The following MIAT variants were observed in gnomAD, a reference collection of about 807,000 sequenced individuals.
The protein encoded by MIAT is MI related novel mRNA.
chr22:26,668,288 C>T (rs145583917), exon 6 of MIAT: 11 of 398,634 alleles, frequency 2.8e-5, no homozygotes, highest in Middle Eastern at 6.3e-4. Flanking sequence ...CTGGGTGACT[C>T]CCTGAAGATC....
intron 5 of MIAT, chr22:26,668,023 T>A (rs1430000007): frequency 5.0e-6 from 2 of 396,988 alleles, no homozygotes; most frequent in Non-Finnish European, 8.9e-6. Context: ...CCACCCTGTG[T>A]GTGTGCTGGG....
chr22:26,657,630 A>C, intron 2 of MIAT: 1 of 398,772 alleles, frequency 2.5e-6, no homozygotes. Context: ...CCTCTGCACT[A>C]GCGCCGCAGG....
Position 26,655,858 on chromosome 22 carries a change from A to AT in MIAT, n.647-7452dup, listed in dbSNP as rs758108202. On this transcript the variant is annotated intron_variant and non_coding_transcript_variant, in intron 2 of 5. Coordinates refer to ENST00000643270, the Ensembl canonical transcript of MIAT. ...CGCCAGGCCTGGCTAATTTTTTTGT[A>AT]TTTTTTGTGGAAATAAGGTTTCGCT... 3.4e-4 allele frequency among the ~76,000 whole-genome samples: 52 copies of AT among 151,950 alleles called. 2 individuals are homozygous for AT. The highest frequency in any genetic ancestry group is 3.3e-3 in the South Asian group (16 of 4,804).
intron 5 of MIAT, chr22:26,667,678 T>G (rs1030620150): frequency 5.5e-6 from 1 of 180,376 alleles, no homozygotes; most frequent in Non-Finnish European, 1.1e-5. Context: ...TTTAGACAAC[T>G]TTTTTTTCCT....
chr22:26,658,395 G>T (rs1204670645), intron 2 of MIAT: 1 of 152,152 alleles, frequency 6.6e-6, no homozygotes, highest in Admixed American at 6.5e-5. Flanking sequence ...GAGGGTTATC[G>T]ACACCTCCAA....
intron 2 of MIAT, among the ~76,000 whole-genome samples, chr22:26,652,289 GGT>G (rs1214223917): frequency 1.3e-5 from 2 of 152,150 alleles, no homozygotes. Context: ...TGGAATTACA[GGT>G]GTGAGGCATT....
At chr22:26,651,975 A>T (rs772048060) in intron 2 of MIAT, among the ~76,000 whole-genome samples, 3 of 152,114 alleles carry the variant, frequency 2.0e-5, no homozygotes, top group African/African-American at 7.2e-5. Flanking sequence ...AGAGGATGCG[A>T]CTTCCCTTTC....
downstream of MIAT, chr22:26,672,980 C>A (rs1374692870): frequency 7.5e-6 from 3 of 398,472 alleles, no homozygotes; most frequent in South Asian, 3.8e-4. Flanking sequence ...AGGCCGGTTT[C>A]CCCCACCGTA....
At chr22:26,673,613 G>A, downstream of MIAT, 1 of 398,856 alleles carries the variant, frequency 2.5e-6, no homozygotes, top group Non-Finnish European at 4.4e-6. Flanking sequence ...TAACAGCTTG[G>A]ATGTCGGCAT....
At chr22:26,650,542 T>C (rs1175400617) in intron 2 of MIAT, 2 of 152,272 alleles carry the variant, frequency 1.3e-5, no homozygotes. Flanking sequence ...GATCTGTATC[T>C]GGGGTGATCC....
At chr22:26,665,293 C>T (rs115962976) in intron 3 of MIAT, among the ~76,000 whole-genome samples, 4,957 of 104,814 alleles carry the variant, frequency 0.047, 261 homozygotes, top group African/African-American at 0.15. Flanking sequence ...GAAAGAAAAA[C>T]AATTAACTTT....
chr22:26,667,426 A>G (rs1218926169), intron 5 of MIAT: 2 of 361,182 alleles, frequency 5.5e-6, no homozygotes, highest in Non-Finnish European at 4.8e-6. Flanking sequence ...ATGTGTGTGT[A>G]TGCGCGCGTG....
exon 5 of MIAT, chr22:26,675,070 A>AC (rs376202348): frequency 1.3e-5 from 5 of 398,756 alleles, no homozygotes; most frequent in African/African-American, 8.2e-5. Context: ...AGTGGTAGTT[A>AC]AACACCATTT....
chr22:26,647,135 G>A (rs1325256740), intron 1 of MIAT: 8 of 398,452 alleles, frequency 2.0e-5, no homozygotes, highest in South Asian at 1.3e-4. Flanking sequence ...CCTCAGGCAA[G>A]CCACCTTTCT....
intron 2 of MIAT, among the ~76,000 whole-genome samples, chr22:26,650,037 T>A (rs1159937697): frequency 6.6e-6 from 1 of 152,210 alleles, no homozygotes; most frequent in Non-Finnish European, 1.5e-5. Context: ...AACTTGCTCA[T>A]AGTTATGGAG....
At chr22:26,664,005 C>CTTT (rs202155948) in intron 3 of MIAT, among the ~76,000 whole-genome samples, 62 of 116,284 alleles carry the variant, frequency 5.3e-4, no homozygotes, top group Admixed American at 8.7e-4. Flanking sequence ...CTGTGTTCAG[C>CTTT]TTTTTTTTTT....
At chr22:26,652,781 G>A (rs549068092) in intron 2 of MIAT, among the ~76,000 whole-genome samples, 4 of 152,294 alleles carry the variant, frequency 2.6e-5, no homozygotes, top group Admixed American at 6.5e-5. Flanking sequence ...GAGAGACTCA[G>A]GCTCCCCTTT....
intron 2 of MIAT, among the ~76,000 whole-genome samples, chr22:26,654,749 G>A (rs771488506): frequency 2.0e-5 from 3 of 151,888 alleles, no homozygotes; most frequent in Non-Finnish European, 4.4e-5. Flanking sequence ...GTCTCACTTT[G>A]TTGCCCAGGC....
At chr22:26,670,056 A>ATTTTTT (rs35523695), downstream of MIAT, 500 of 386,134 alleles carry the variant, frequency 1.3e-3, no homozygotes, top group Admixed American at 2.6e-3. Flanking sequence ...GGGTTTATCT[A>ATTTTTT]TTTTTTTTTT....
Sources: allele counts gnomAD v4.1 joint callset (sites outside exome capture counted in the v4.1 genomes callset), GRCh38; gene constraint gnomAD v4.1.1; transcripts MANE v1.5; gene names NCBI Gene and HGNC (gene_info 2026-07-23, HGNC 2026-07-21).